The following IWS1 variants were observed in gnomAD, a reference collection of about 807,000 sequenced individuals.
The protein encoded by IWS1 is protein IWS1 homolog.
A neutral mutation model predicts 86.7 loss-of-function variants in IWS1; 27 were observed. The ratio of observed to expected loss-of-function variants is 0.31; its 90% CI spans 0.23 to 0.43. IWS1 has a LOEUF of 0.43. Among genes scored for constraint, IWS1 ranks in the 20% least tolerant of loss-of-function variants. The pLI is 1.00. For synonymous variants in IWS1, 313 were observed against 335.1 expected (o/e 0.93, Z 0.72); for missense variants, 827 against 1,000.8 (o/e 0.83, Z 2.34).
Position 127,481,106 on chromosome 2 carries a change from T to C in IWS1, c.2398A>G (p.Lys800Glu). 6.2e-7 allele frequency: 1 copy of C among 1,612,950 alleles called. No homozygotes were observed. The highest frequency in any genetic ancestry group is 8.5e-7 in the Non-Finnish European group (1 of 1,179,674). ...ACTGCGTGTGCAGATCTGCTTTTTT[T>C]CCTTATATCTGTGAACTTTCTCATC... ...KQMRKFTDIR[K>E]KSRSAHAVKI... Residue 800 changes from lysine to glutamate, a missense_variant, in exon 14 of 14, where the codon AAA (lysine) becomes GAA (glutamate). Transcript: ENST00000295321.
chr2:127,495,755 T>C (rs946181538), intron 7 of IWS1, among the ~76,000 whole-genome samples: 4 of 152,346 alleles, frequency 2.6e-5, no homozygotes, highest in African/African-American at 9.6e-5. Flanking sequence ...CCATTTCCCA[T>C]GAAACTAGCA....
rs1573583006 is a variant in IWS1, at chr2:127,526,446, G to A, written c.-238C>T. 2.0e-6 allele frequency: 3 copies of A among 1,534,888 alleles called. No individual in the cohort carries two copies. The highest frequency in any genetic ancestry group is 2.0e-5 in the Admixed American group (1 of 50,694). On this transcript the variant is annotated 5_prime_UTR_variant, in exon 1 of 14. Coordinates refer to ENST00000295321, the MANE Select transcript of IWS1 (RefSeq NM_017969.3). ...GGCGGGCGGGCAGGCATGCGAGCCG[G>A]CGTTCTACTTCCTAGAAGCACCGCT... is the stretch of plus-strand genomic sequence containing the variant.
At chr2:127,487,585 C>T (rs1251296016) in intron 12 of IWS1, among the ~76,000 whole-genome samples, 2 of 152,326 alleles carry the variant, frequency 1.3e-5, no homozygotes, top group Admixed American at 6.5e-5. Context: ...GAATCTCGCT[C>T]TGTTGCCCGG....
At chr2:127,519,500 T>TGG (rs1396674826) in intron 2 of IWS1, among the ~76,000 whole-genome samples, 1 of 151,954 alleles carries the variant, frequency 6.6e-6, no homozygotes, top group African/African-American at 2.4e-5. Flanking sequence ...TGCGTGTGTG[T>TGG]GCACTGAGTA....
At chr2:127,496,562 C>G (rs1201859345) in intron 6 of IWS1, among the ~76,000 whole-genome samples, 1 of 150,924 alleles carries the variant, frequency 6.6e-6, no homozygotes, top group East Asian at 1.9e-4. Flanking sequence ...CACACACACA[C>G]ACACACACAC....
rs1333370249 is a variant in IWS1 at position 127,521,600 on chromosome 2, T to C, written c.150+2076A>G. Among the ~76,000 whole-genome samples the C allele has an allele frequency of 2.0e-5, 3 of 152,226 alleles. No individual in the cohort carries two copies. The East Asian group carries it at 5.8e-4, about 29-fold the overall frequency. The stretch of plus-strand genomic sequence containing the variant: ...CACTTACAGAGGTAAGACCTACGGT[T>C]GGACAAAATCACCCAACACAAAACC... On this transcript the variant is annotated intron_variant, in intron 2 of 13. Coordinates refer to ENST00000295321, the MANE Select transcript of IWS1 (RefSeq NM_017969.3).
chr2:127,492,149 C>T, intron 9 of IWS1, 61 bp from the exon 10 acceptor site: 1 of 1,054,836 alleles, frequency 9.5e-7, no homozygotes, highest in South Asian at 1.3e-5. Flanking sequence ...TCTTGCTAGT[C>T]TATTCTAGAG....
chr2:127,495,118 ATCTG>A (rs1178800643), intron 7 of IWS1, among the ~76,000 whole-genome samples, 164 bp from the exon 8 acceptor site: 4 of 152,220 alleles, frequency 2.6e-5, no homozygotes, highest in Admixed American at 2.0e-4. Flanking sequence ...CAAGCTCTGT[ATCTG>A]TCTATGTCAG....
In IWS1 at chr2:127,509,118, G is replaced by A. The variant is rs183349309; in HGVS notation, c.151-3366C>T. Among the ~76,000 whole-genome samples the A allele has an allele frequency of 2.3e-3, 345 of 152,244 alleles. 7 individuals are homozygous for A. Among genetic ancestry groups the A allele is most frequent in the Admixed American group, 0.019 (292 of 15,294 alleles). The stretch of plus-strand genomic sequence containing the variant: ...AAAGAAGTACTAGTTTAATAGACTC[G>A]AGCTAAAGAATACACTTAGACAACA... On this transcript the variant is annotated intron_variant, in intron 2 of 13. Coordinates refer to ENST00000295321, the MANE Select transcript of IWS1 (RefSeq NM_017969.3).
chr2:127,525,093 G>C (rs1032153657), intron 1 of IWS1, among the ~76,000 whole-genome samples: 1 of 149,504 alleles, frequency 6.7e-6, no homozygotes, highest in Admixed American at 6.7e-5. Context: ...GACGAAGTAG[G>C]GGGGTGGGGT....
chr2:127,515,864 T>G (rs1190938585), intron 2 of IWS1, among the ~76,000 whole-genome samples: 1 of 152,076 alleles, frequency 6.6e-6, no homozygotes, highest in Non-Finnish European at 1.5e-5. Flanking sequence ...AGGGCTTCCT[T>G]CCCAGGAAGA....
intron 2 of IWS1, among the ~76,000 whole-genome samples, chr2:127,521,733 C>CA (rs1027572916): frequency 6.6e-6 from 1 of 152,160 alleles, no homozygotes. Context: ...TGCAACATCG[C>CA]AAAGTTGAAA....
intron 1 of IWS1, among the ~76,000 whole-genome samples, chr2:127,524,189 A>G (rs904684788): frequency 1.3e-5 from 2 of 152,172 alleles, no homozygotes; most frequent in African/African-American, 4.8e-5. Context: ...AAGAATAGGG[A>G]TTTTGGTTCA....
At chr2:127,510,421 G>A (rs929222185) in intron 2 of IWS1, among the ~76,000 whole-genome samples, 5 of 152,142 alleles carry the variant, frequency 3.3e-5, no homozygotes, top group African/African-American at 1.2e-4. Context: ...TAGAATAAGA[G>A]TCAGAAACAA....
At chr2:127,503,307 G>A in intron 4 of IWS1, 80 bp downstream of exon 4, 2 of 1,005,102 alleles carry the variant, frequency 2.0e-6, no homozygotes, top group South Asian at 1.7e-5. Context: ...AATTAGGCAG[G>A]ACATATTGTA....
chr2:127,495,149 AT>A (rs1248211156), intron 7 of IWS1, among the ~76,000 whole-genome samples, 195 bp from the exon 8 acceptor site: 2 of 152,210 alleles, frequency 1.3e-5, no homozygotes, highest in Non-Finnish European at 1.5e-5. Flanking sequence ...CCAAAAAACT[AT>A]TAGAATAATT....
intron 13 of IWS1, among the ~76,000 whole-genome samples, chr2:127,483,608 GTGTGTGTGTGTGT>G (rs1689768199): frequency 3.2e-4 from 1 of 3,120 alleles, no homozygotes; most frequent in Non-Finnish European, 5.9e-3. Context: ...GTTGGGCTGT[GTGTGTGTGTGTGT>G]GTGCGTGTGC....
At chr2:127,487,717 ATT>A (rs1690001408) in intron 12 of IWS1, among the ~76,000 whole-genome samples, 1 of 152,034 alleles carries the variant, frequency 6.6e-6, no homozygotes, top group South Asian at 2.1e-4. Flanking sequence ...CGTCCAGCTA[ATT>A]TTTTGTATTT....
At chr2:127,524,314 G>A (rs1167504328) in intron 1 of IWS1, among the ~76,000 whole-genome samples, 1 of 152,102 alleles carries the variant, frequency 6.6e-6, no homozygotes, top group African/African-American at 2.4e-5. Flanking sequence ...ATCCATTCAA[G>A]AAAAGCATAT....
Sources: gnomAD v4.1 joint callset for allele counts (sites outside exome capture counted in the v4.1 genomes callset) on GRCh38, gnomAD v4.1.1 for gene constraint, MANE v1.5 for transcripts, NCBI Gene and HGNC (gene_info 2026-07-23, HGNC 2026-07-21) for gene names.